Variants in TF observed in about 807,000 individuals in gnomAD.
TF encodes transferrin.
Under a neutral mutation model 82.4 loss-of-function variants are expected in TF, and 55 were observed. The ratio of observed to expected loss-of-function variants is 0.67; its 90% CI spans 0.54 to 0.84. TF has a LOEUF of 0.84. Ranked by LOEUF, TF falls within the 40% of genes least tolerant of loss-of-function variation. The probability of loss-of-function intolerance (pLI) is 0.00; values close to 1 mark genes in which losing one functional copy is unlikely to be tolerated. For missense variants in TF, 737 were observed against 868.4 expected, an observed-to-expected ratio of 0.85 and a Z score of 1.90; for synonymous variants, 332 against 332.6, an observed-to-expected ratio of 1.00 and a Z score of 0.02.
the TF span, among the ~76,000 whole-genome samples, chr3:133,715,143 T>C: frequency 6.6e-6 from 1 of 152,220 alleles, no homozygotes; most frequent in Non-Finnish European, 1.5e-5. Flanking sequence ...CTTTAAGTGA[T>C]GAGGACCTTG....
chr3:133,686,295 C>T, the TF span, among the ~76,000 whole-genome samples: 1 of 152,174 alleles, frequency 6.6e-6, no homozygotes, highest in Non-Finnish European at 1.5e-5. Flanking sequence ...TGGGCAAGGA[C>T]TTCATGTCTA....
the TF span, among the ~76,000 whole-genome samples, chr3:133,708,633 T>C: frequency 1.3e-5 from 2 of 151,890 alleles, no homozygotes; most frequent in Non-Finnish European, 2.9e-5. Context: ...CACTAATATA[T>C]ATATGTAAAT....
the TF span, among the ~76,000 whole-genome samples, chr3:133,700,436 T>C: frequency 6.6e-6 from 1 of 152,310 alleles, no homozygotes; most frequent in South Asian, 2.1e-4. Context: ...AACCGTTTGG[T>C]GTCCCACAGC....
chr3:133,710,360 A>G, the TF span, among the ~76,000 whole-genome samples: 1 of 152,168 alleles, frequency 6.6e-6, no homozygotes, highest in African/African-American at 2.4e-5. Flanking sequence ...GCGGCAGAGC[A>G]GTTTGTGTCA....
At chr3:133,686,596 A>C in the TF span, among the ~76,000 whole-genome samples, 1 of 152,262 alleles carries the variant, frequency 6.6e-6, no homozygotes, top group South Asian at 2.1e-4. Flanking sequence ...ACACATGAAA[A>C]AATGCTTGTC....
the TF span, among the ~76,000 whole-genome samples, chr3:133,686,955 T>C: frequency 2.4e-4 from 37 of 152,234 alleles, no homozygotes; most frequent in African/African-American, 8.4e-4. Context: ...CAAATGTCCA[T>C]CAACAATAGA....
At chr3:133,771,754 A>AAAAAAAAAAAAAAAAAT in intron 14 of TF, among the ~76,000 whole-genome samples, 1 of 149,428 alleles carries the variant, frequency 6.7e-6, no homozygotes, top group Non-Finnish European at 1.5e-5. Flanking sequence ...AAAAAAAAAA[A>AAAAAAAAAAAAAAAAAT]AAAAAAAAAA....
At position 133,795,167 on chromosome 3, in the gene TF, T is replaced by G. The variant is rs1934934589; in HGVS notation, c.*16547T>G. On this transcript the variant is annotated 3_prime_UTR_variant, in exon 17 of 17. Transcript: ENST00000402696. ...ATTATAGAGATTCAGTTGTAGCAAA[T>G]TAATGAAGAGACTGCTTAGTTAAGT... The G allele has an allele frequency of 6.6e-6, 1 of 152,224 alleles. No individual in the cohort carries two copies. Among genetic ancestry groups the G allele is most frequent in the Non-Finnish European group, 1.5e-5 (1 of 68,042 alleles). 9.4% of individuals were successfully genotyped at this position (152,224 alleles called of 1,614,324 possible). A position where few individuals can be genotyped will look rare whatever the true frequency, so the allele number is the denominator to read the frequency against.
chr3:133,748,155 G>T (rs1033667852), intron 1 of TF: 3 of 540,986 alleles, frequency 5.5e-6, no homozygotes, highest in Admixed American at 6.1e-5. Context: ...GTCATCTCCA[G>T]CTGGGAGGTG....
the TF span, among the ~76,000 whole-genome samples, chr3:133,678,762 C>G: frequency 6.6e-6 from 1 of 152,050 alleles, no homozygotes; most frequent in African/African-American, 2.4e-5. Context: ...GGATATTAGC[C>G]CTTTGTCAGA....
chr3:133,766,190 T>C, intron 11 of TF, 88 bp from the exon 12 acceptor site: 2 of 1,309,350 alleles, frequency 1.5e-6, no homozygotes, highest in South Asian at 2.4e-5. Flanking sequence ...TGAGGATATC[T>C]TTGCTTCCCT....
chr3:133,724,926 T>C, the TF span, among the ~76,000 whole-genome samples: 6 of 152,182 alleles, frequency 3.9e-5, no homozygotes, highest in Non-Finnish European at 8.8e-5. Flanking sequence ...CTTTCCCCAT[T>C]GCTTGTTTTT....
chr3:133,710,660 T>G, the TF span, among the ~76,000 whole-genome samples: 1 of 152,176 alleles, frequency 6.6e-6, no homozygotes. Context: ...TCCCTCTACC[T>G]GCACTTGGGT....
chr3:133,728,580 T>C, the TF span, among the ~76,000 whole-genome samples: 1 of 152,250 alleles, frequency 6.6e-6, no homozygotes, highest in Admixed American at 6.5e-5. Context: ...AGTTTATAAC[T>C]TCTTTGCCTT....
chr3:133,766,107 TCTC>T (rs967040421), intron 11 of TF, among the ~76,000 whole-genome samples, 168 bp from the exon 12 acceptor site: 1 of 152,174 alleles, frequency 6.6e-6, no homozygotes, highest in African/African-American at 2.4e-5. Flanking sequence ...AGATTAATCT[TCTC>T]CTGACAGAGT....
intron 9 of TF, chr3:133,761,341 C>A (rs182998239): frequency 1.3e-5 from 2 of 156,450 alleles, no homozygotes; most frequent in Admixed American, 1.3e-4. Flanking sequence ...CTCTTCACCC[C>A]AGACTTCAGT....
the TF span, among the ~76,000 whole-genome samples, chr3:133,695,514 G>A: frequency 6.6e-6 from 1 of 152,050 alleles, no homozygotes; most frequent in Non-Finnish European, 1.5e-5. Context: ...CCAAAGTGCT[G>A]GGATTACAGG....
At chr3:133,718,940 G>A in the TF span, among the ~76,000 whole-genome samples, 1 of 152,192 alleles carries the variant, frequency 6.6e-6, no homozygotes, top group Non-Finnish European at 1.5e-5. Flanking sequence ...CTTAAGAAAT[G>A]TGAATGGGAG....
At chr3:133,674,989 T>C in the TF span, among the ~76,000 whole-genome samples, 2 of 152,214 alleles carry the variant, frequency 1.3e-5, no homozygotes, top group Admixed American at 1.3e-4. Context: ...CTCAGGTCTG[T>C]AATCCCGACA....
Sources: allele counts gnomAD v4.1 joint callset (sites outside exome capture counted in the v4.1 genomes callset), GRCh38; gene constraint gnomAD v4.1.1; transcripts MANE v1.5; gene names NCBI Gene and HGNC (gene_info 2026-07-23, HGNC 2026-07-21).